The following STX11 variants were observed in gnomAD, a reference collection of about 807,000 sequenced individuals.
STX11 encodes syntaxin 11, also known as syntaxin-11.
A neutral mutation model predicts 19.9 loss-of-function variants in STX11; 21 were observed. That is an observed-to-expected ratio of 1.06 (90% CI 0.75 to 1.52). The LOEUF is 1.52. STX11 is among the 40% of genes most tolerant of loss of function. The pLI is 0.00. For missense variants in STX11, 438 were observed against 405.9 expected (o/e 1.08, Z -0.68); for synonymous variants, 193 against 174.4 (o/e 1.11, Z -0.84).
intron 1 of STX11, among the ~76,000 whole-genome samples, chr6:144,179,746 A>T (rs1242118131): frequency 6.6e-6 from 1 of 152,250 alleles, no homozygotes; most frequent in Non-Finnish European, 1.5e-5. Context: ...TTTCACAAAG[A>T]TACTATATAA....
Position 144,187,261 on chromosome 6 carries a change from C to T in STX11, c.634C>T (p.Arg212Cys), listed in dbSNP as rs1279778517. ...AALNEIESRH[R>C]ELLRLESRIR... ...CCTCAACGAGATCGAGAGCCGCCAC[C>T]GCGAACTGCTGCGCCTGGAGAGCCG... The change falls in exon 2 of 2, where the codon CGC (arginine) becomes TGC (cysteine). Residue 212 changes from arginine (R) to cysteine (C), a missense_variant. Physicochemically the swap from Arg to Cys is radical, Grantham distance 180. Coordinates refer to ENST00000367568, the MANE Select transcript of STX11 (RefSeq NM_003764.4). The surrounding 1 kb of genome is among the most constrained non-coding windows in gnomAD (Gnocchi z 5.6). 6 of 1,613,520 alleles carry T rather than the reference C, an allele frequency of 3.7e-6. No homozygotes were observed. The highest frequency in any genetic ancestry group is 1.1e-5 in the South Asian group (1 of 91,088).
In STX11 at chr6:144,187,786, G is replaced by A. The variant is rs573209024; in HGVS notation, c.*295G>A. On this transcript the variant is annotated 3_prime_UTR_variant, in exon 2 of 2. Coordinates refer to ENST00000367568, the MANE Select transcript of STX11 (RefSeq NM_003764.4). This position sits in a 1 kb window ranked among gnomAD's most constrained non-coding sequence, Gnocchi z 5.6. ...GACAGAAGCCAAGTAAGGAACTGAA[G>A]TTGTATCTGACTGTAGGGTGAATGT... 616 of 531,306 alleles carry A rather than the reference G, an allele frequency of 1.2e-3. 6 individuals carry two copies. Among genetic ancestry groups the A allele is most frequent in the South Asian group, 5.7e-3 (259 of 45,196 alleles). 32.9% of individuals were successfully genotyped at this position (531,306 alleles called of 1,614,324 possible). A position where few individuals can be genotyped will look rare whatever the true frequency, so the allele number is the denominator to read the frequency against.
intron 1 of STX11, among the ~76,000 whole-genome samples, chr6:144,171,158 A>G (rs1462329637): frequency 1.3e-5 from 2 of 152,224 alleles, no homozygotes; most frequent in African/African-American, 4.8e-5. Context: ...ATGTCTCCAC[A>G]TAATTCCCCA....
chr6:144,141,769 A>C, the STX11 span, among the ~76,000 whole-genome samples: 1 of 151,816 alleles, frequency 6.6e-6, no homozygotes, highest in East Asian at 1.9e-4. Context: ...GCCTCGAATT[A>C]CTGGGCTTGG....
rs886061140 is a variant in STX11 at position 144,150,638 on chromosome 6, C to T, written c.-71C>T. ...ACAGGTTTCCTTCTCCATCGCTGCG[C>T]CCACAGGGGACGCGCGCCCTGCCGG... On this transcript the variant is annotated 5_prime_UTR_variant, in exon 1 of 2. Coordinates refer to ENST00000367568, the MANE Select transcript of STX11 (RefSeq NM_003764.4). 1.0e-6 allele frequency: 1 copy of T among 985,432 alleles called. No homozygotes were observed. Among genetic ancestry groups the T allele is most frequent in the South Asian group, 4.7e-5 (1 of 21,284 alleles). The allele number at this position is 985,432 out of a possible 1,614,324, so 61.0% of individuals were successfully genotyped here. A position where few individuals can be genotyped will look rare whatever the true frequency, so the allele number is the denominator to read the frequency against.
rs1354710834 is a variant in STX11 at position 144,188,911 on chromosome 6, A to G, written c.*1420A>G. Among the ~76,000 whole-genome samples, 3 of 151,920 alleles carry G rather than the reference A, an allele frequency of 2.0e-5. No individual in the cohort carries two copies. Among genetic ancestry groups the G allele is most frequent in the Non-Finnish European group, 2.9e-5 (2 of 67,982 alleles). The stretch of plus-strand genomic sequence containing the variant: ...CTGGCTAATTTTTTATGTTTTTAGT[A>G]AAGACGGTGTTTCACCGTGTTAGCC... On this transcript the variant is annotated 3_prime_UTR_variant, in exon 2 of 2. Transcript: ENST00000367568.
chr6:144,149,192 G>A (rs1800932905), upstream of STX11, among the ~76,000 whole-genome samples: 1 of 152,168 alleles, frequency 6.6e-6, no homozygotes, highest in African/African-American at 2.4e-5. The surrounding 1 kb of genome is among the most constrained non-coding windows in gnomAD (Gnocchi z 5.1). Context: ...TATTTTGGAG[G>A]AAGTCACTGT....
intron 1 of STX11, among the ~76,000 whole-genome samples, chr6:144,179,977 A>G (rs1302388107): frequency 1.3e-5 from 2 of 152,126 alleles, no homozygotes; most frequent in Non-Finnish European, 2.9e-5. Context: ...GCCGAATTCC[A>G]TTTGCAAAGA....
rs1802073216 is a variant in STX11 at position 144,187,181 on chromosome 6, A to G, written c.554A>G (p.Lys185Arg). The change falls in exon 2 of 2, where the codon AAG becomes AGG. Residue 185 changes from lysine (K) to arginine (R), a missense_variant. Physicochemically the swap from Lys to Arg is conservative, Grantham distance 26. Coordinates refer to ENST00000367568, the MANE Select transcript of STX11 (RefSeq NM_003764.4). This position sits in a 1 kb window ranked among gnomAD's most constrained non-coding sequence, Gnocchi z 5.6. ...ATCGAGGACATGTTCGAGCAGGGTA[A>G]GTGGGACGTGTTTTCCGAGAACTTG... ...DQIEDMFEQG[K>R]WDVFSENLLA... 3 of 1,613,876 alleles carry G rather than the reference A, an allele frequency of 1.9e-6. No individual in the cohort carries two copies. The highest frequency in any genetic ancestry group is 3.3e-5 in the Admixed American group (2 of 60,008).
rs930148566 is a variant in STX11, at chr6:144,159,172, A to G, written c.-6+8469A>G. Among the ~76,000 whole-genome samples, 1 of 152,246 alleles carries G rather than the reference A, an allele frequency of 6.6e-6. No homozygotes were observed. The highest frequency in any genetic ancestry group is 1.5e-5 in the Non-Finnish European group (1 of 68,046). ...CGATTCTGGTGAGCGTATTTATTCA[A>G]CAACTATTTATCGAGGCTTTCCTAT... On this transcript the variant is annotated intron_variant, in intron 1 of 1. Transcript: ENST00000367568. The surrounding 1 kb of genome is among the most constrained non-coding windows in gnomAD (Gnocchi z 4.3).
Position 144,150,718 on chromosome 6 carries a change from T to C in STX11, c.-6+15T>C. On this transcript the variant is annotated intron_variant, in intron 1 of 1. Transcript: ENST00000367568. Reference sequence around the variant, plus strand: ...TCCCAGTCCAGGTTTGTTTTTCTCTTCCTGAGCCCCCATTTCTCTTCCTGA... The same window carrying C: ...TCCCAGTCCAGGTTTGTTTTTCTCTCCCTGAGCCCCCATTTCTCTTCCTGA... The C allele has an allele frequency of 1.0e-6, 1 of 972,044 alleles. No individual in the cohort carries two copies. The allele number at this position is 972,044 out of a possible 1,614,324, so 60.2% of individuals were successfully genotyped here.
intron 1 of STX11, among the ~76,000 whole-genome samples, chr6:144,171,265 T>G (rs1436167625): frequency 2.0e-5 from 3 of 152,328 alleles, no homozygotes; most frequent in Admixed American, 2.0e-4. Context: ...TGATTGCCAT[T>G]AACATTTTGA....
In STX11 at chr6:144,190,375, G is replaced by T. The variant is rs1041297258; in HGVS notation, c.*2884G>T. 1.3e-5 allele frequency among the ~76,000 whole-genome samples: 2 copies of T among 152,232 alleles called. No individual in the cohort carries two copies. The highest frequency in any genetic ancestry group is 2.9e-5 in the Non-Finnish European group (2 of 68,052). ...ATGACTGAATATGTAAAAGCACCTA[G>T]AACAGTGCCTGGCACATGCTAAGTG... On this transcript the variant is annotated 3_prime_UTR_variant, in exon 2 of 2. Coordinates refer to ENST00000367568, the MANE Select transcript of STX11 (RefSeq NM_003764.4).
rs760760415 is a variant in STX11, at chr6:144,186,840, C to T, written c.213C>T (p.Arg71=). The T allele has an allele frequency of 6.2e-7, 1 of 1,613,346 alleles. No individual in the cohort carries two copies. The highest frequency in any genetic ancestry group is 1.7e-5 in the Admixed American group (1 of 60,020). ...DVKRLGKQNA[R]FLTSMRRLSS... ...AGCGGCTGGGAAAGCAGAACGCCCG[C>T]TTCCTCACGTCCATGCGGCGCCTCA... The change falls in exon 2 of 2, where the codon CGC becomes CGT. Residue 71 remains arginine, a synonymous_variant. Coordinates refer to ENST00000367568, the MANE Select transcript of STX11 (RefSeq NM_003764.4).
chr6:144,144,136 T>C, the STX11 span, among the ~76,000 whole-genome samples: 1 of 152,238 alleles, frequency 6.6e-6, no homozygotes, highest in African/African-American at 2.4e-5. Flanking sequence ...TCTAATGTTC[T>C]AGGTATTGTG....
chr6:144,162,745 T>G lies in STX11; in HGVS notation c.-6+12042T>G, dbSNP rs188318380. The stretch of plus-strand genomic sequence containing the variant: ...CAGAAGAAAGGCAGGATAAGGTGGT[T>G]TGCCATGGTGGAGTTTGTGTAGGCC... On this transcript the variant is annotated intron_variant, in intron 1 of 1. Coordinates refer to ENST00000367568, the MANE Select transcript of STX11 (RefSeq NM_003764.4). The surrounding 1 kb of genome is among the most constrained non-coding windows in gnomAD (Gnocchi z 4.6). 1.9e-3 allele frequency among the ~76,000 whole-genome samples: 289 copies of G among 152,292 alleles called. No individual in the cohort carries two copies. The highest frequency in any genetic ancestry group is 6.8e-3 in the African/African-American group (282 of 41,556).
chr6:144,142,435 C>T, the STX11 span, among the ~76,000 whole-genome samples: 11 of 152,016 alleles, frequency 7.2e-5, no homozygotes, highest in African/African-American at 2.4e-4. Context: ...TTAAGATATG[C>T]TTATTACATA....
the STX11 span, among the ~76,000 whole-genome samples, chr6:144,145,478 T>C: frequency 6.6e-6 from 1 of 152,186 alleles, no homozygotes; most frequent in Non-Finnish European, 1.5e-5. Flanking sequence ...CACTTTACAA[T>C]AGCCAAGATA....
At chr6:144,171,183 G>GC (rs1211761961) in intron 1 of STX11, among the ~76,000 whole-genome samples, 2 of 152,140 alleles carry the variant, frequency 1.3e-5, no homozygotes, top group East Asian at 1.9e-4. Context: ...TGAACACTTA[G>GC]CCCCCCTCCT....
Sources: gnomAD v4.1 joint callset for allele counts (sites outside exome capture counted in the v4.1 genomes callset) on GRCh38, gnomAD v4.1.1 for gene constraint, Gnocchi (gnomAD v3.1) non-coding constraint, MANE v1.5 for transcripts, NCBI Gene and HGNC (gene_info 2026-07-23, HGNC 2026-07-21) for gene names.